Variants in LRRC37A2 observed in about 807,000 individuals in gnomAD.
LRRC37A2 encodes leucine-rich repeat-containing protein 37A2.
A neutral mutation model predicts 68.8 loss-of-function variants in LRRC37A2; 9 were observed. That is an observed-to-expected ratio of 0.13 (90% CI 0.08 to 0.23). The LOEUF is 0.23. Among genes scored for constraint, LRRC37A2 ranks in the 10% least tolerant of loss-of-function variants. The probability of loss-of-function intolerance (pLI) is 1.00; values close to 1 mark genes in which losing one functional copy is unlikely to be tolerated. For missense variants in LRRC37A2, 168 were observed against 950.4 expected (o/e 0.18, Z 10.82); for synonymous variants, 63 against 367.6 (o/e 0.17, Z 9.48).
At chr17:46,732,274 C>T in the LRRC37A2 span, among the ~76,000 whole-genome samples, 1 of 152,070 alleles carries the variant, frequency 6.6e-6, no homozygotes, top group Non-Finnish European at 1.5e-5. Flanking sequence ...CATGTGTGCA[C>T]GTGCTCAAAT....
chr17:46,983,110 G>A, the LRRC37A2 span, among the ~76,000 whole-genome samples: 7 of 152,212 alleles, frequency 4.6e-5, no homozygotes, highest in East Asian at 7.7e-4. Flanking sequence ...GGGGTTGTTC[G>A]TTGGCTTCCT....
At chr17:46,598,352 GAAAA>G in the LRRC37A2 span, among the ~76,000 whole-genome samples, 1 of 136,814 alleles carries the variant, frequency 7.3e-6, no homozygotes, top group Non-Finnish European at 1.6e-5. Flanking sequence ...TACTGGAAAA[GAAAA>G]AAGAAAAGTT....
the LRRC37A2 span, chr17:46,711,014 A>C: frequency 6.3e-7 from 1 of 1,594,848 alleles, no homozygotes; most frequent in Non-Finnish European, 8.5e-7. Flanking sequence ...GAACGGTATC[A>C]TCAAATGGGG....
the LRRC37A2 span, chr17:46,762,785 AATGCACTC>A: frequency 6.6e-6 from 1 of 152,148 alleles, no homozygotes; most frequent in Non-Finnish European, 1.5e-5. Context: ...GAATCATTAC[AATGCACTC>A]ATGTACTATT....
At chr17:46,900,202 T>TATATACATACATATATATATACACAC in the LRRC37A2 span, among the ~76,000 whole-genome samples, 1 of 101,172 alleles carries the variant, frequency 9.9e-6, no homozygotes, top group African/African-American at 5.1e-5. Flanking sequence ...TATATATATA[T>TATATACATACATATATATATACACAC]ACACACACAC....
At chr17:46,940,211 T>A in the LRRC37A2 span, 1 of 1,410,952 alleles carries the variant, frequency 7.1e-7, no homozygotes, top group Non-Finnish European at 9.2e-7. Context: ...TTCTTAATTG[T>A]CATAGATTAA....
At chr17:46,502,313 A>G in the LRRC37A2 span, among the ~76,000 whole-genome samples, 1 of 150,954 alleles carries the variant, frequency 6.6e-6, no homozygotes, top group Admixed American at 6.6e-5. Context: ...GGGTCCTTTT[A>G]TTTTTTGTTT....
the LRRC37A2 span, among the ~76,000 whole-genome samples, chr17:46,791,572 C>T: frequency 4.0e-3 from 602 of 152,324 alleles, 2 homozygotes; most frequent in Non-Finnish European, 6.4e-3. Context: ...CTCTCCCACT[C>T]CCTTCCTTCC....
At chr17:46,755,687 G>C in the LRRC37A2 span, 1 of 1,169,468 alleles carries the variant, frequency 8.6e-7, no homozygotes, top group Non-Finnish European at 1.2e-6. Context: ...ATGCATAGTG[G>C]GAAATGTAGG....
the LRRC37A2 span, among the ~76,000 whole-genome samples, chr17:46,815,922 C>T: frequency 1.3e-5 from 2 of 152,172 alleles, no homozygotes; most frequent in Admixed American, 6.5e-5. Flanking sequence ...CACAGCCACA[C>T]AGCCCTGGGC....
At chr17:46,881,507 G>T in the LRRC37A2 span, among the ~76,000 whole-genome samples, 1 of 152,132 alleles carries the variant, frequency 6.6e-6, no homozygotes, top group Non-Finnish European at 1.5e-5. Context: ...CTTACCAAAG[G>T]CTATATCGCT....
At chr17:46,793,365 A>C in the LRRC37A2 span, among the ~76,000 whole-genome samples, 1 of 150,924 alleles carries the variant, frequency 6.6e-6, no homozygotes, top group Non-Finnish European at 1.5e-5. Flanking sequence ...CTAAGGAGAA[A>C]GGGAAGGAAG....
At chr17:47,011,529 G>A in the LRRC37A2 span, among the ~76,000 whole-genome samples, 1 of 149,892 alleles carries the variant, frequency 6.7e-6, no homozygotes, top group Non-Finnish European at 1.5e-5. Context: ...TCCAGCCTGG[G>A]TGACAAAGCT....
chr17:46,717,354 A>G, the LRRC37A2 span, among the ~76,000 whole-genome samples: 1 of 152,190 alleles, frequency 6.6e-6, no homozygotes, highest in Non-Finnish European at 1.5e-5. Flanking sequence ...GGTAGTGGTA[A>G]CAAAAATACC....
the LRRC37A2 span, chr17:46,818,478 G>A: frequency 1.0e-4 from 165 of 1,572,824 alleles, no homozygotes; most frequent in Non-Finnish European, 1.4e-4. Context: ...CGGACGCGGC[G>A]GAGAAACCGG....
chr17:46,945,263 G>A, the LRRC37A2 span, among the ~76,000 whole-genome samples: 3 of 152,280 alleles, frequency 2.0e-5, no homozygotes, highest in East Asian at 1.9e-4. Flanking sequence ...ACTGTCCTCC[G>A]TGTTCCAGCT....
chr17:46,726,657 A>G, the LRRC37A2 span: 1 of 1,510,216 alleles, frequency 6.6e-7, no homozygotes, highest in Non-Finnish European at 9.2e-7. Context: ...TTGCCACATT[A>G]CAGCTAATAT....
At chr17:46,817,878 A>G in the LRRC37A2 span, among the ~76,000 whole-genome samples, 2 of 152,110 alleles carry the variant, frequency 1.3e-5, no homozygotes, top group Admixed American at 6.5e-5. Context: ...AGAAATGAAT[A>G]AAATCCGAAT....
At chr17:46,721,788 C>A in the LRRC37A2 span, 9 of 1,601,752 alleles carry the variant, frequency 5.6e-6, no homozygotes, top group Non-Finnish European at 6.8e-6. Context: ...AGGAAGGCAT[C>A]GTGCACAGCT....
Sources: allele counts gnomAD v4.1 joint callset (sites outside exome capture counted in the v4.1 genomes callset), GRCh38; gene constraint gnomAD v4.1.1; transcripts MANE v1.5; gene names NCBI Gene and HGNC (gene_info 2026-07-23, HGNC 2026-07-21).